The following CDH12 variants were observed in gnomAD, a reference collection of about 807,000 sequenced individuals.
CDH12 encodes cadherin-12.
A neutral mutation model predicts 74.1 loss-of-function variants in CDH12; 41 were observed. The observed-to-expected ratio is 0.55, with a 90% CI of 0.43 to 0.72. CDH12 has a LOEUF of 0.72. CDH12 is among the 30% of genes least tolerant of loss of function. The pLI is 0.00. For missense variants in CDH12, 945 were observed against 977.2 expected, an observed-to-expected ratio of 0.97 and a Z score of 0.44; for synonymous variants, 399 against 355.0, an observed-to-expected ratio of 1.12 and a Z score of -1.39.
At chr5:22,734,799 G>T (rs1214515600) in intron 1 of CDH12, among the ~76,000 whole-genome samples, 1 of 151,784 alleles carries the variant, frequency 6.6e-6, no homozygotes, top group Non-Finnish European at 1.5e-5. Flanking sequence ...TTGTAAACCT[G>T]TTTCCTAAAA....
chr5:21,906,187 GA>G (rs1284571356), intron 6 of CDH12, among the ~76,000 whole-genome samples: 1 of 152,070 alleles, frequency 6.6e-6, no homozygotes, highest in East Asian at 1.9e-4. Context: ...TTAGTTTCTT[GA>G]AATAGGATAT....
chr5:22,647,772 T>C (rs1179557589), intron 1 of CDH12, among the ~76,000 whole-genome samples: 3 of 151,866 alleles, frequency 2.0e-5, no homozygotes, highest in Non-Finnish European at 4.4e-5. Context: ...ATTGCAGATA[T>C]TAGTTTTTAC....
intron 1 of CDH12, among the ~76,000 whole-genome samples, chr5:22,804,129 G>GT (rs975577133): frequency 6.6e-5 from 10 of 151,448 alleles, no homozygotes; most frequent in African/African-American, 9.7e-5. Flanking sequence ...GACATTTCAA[G>GT]TTTTTTTTTA....
intron 3 of CDH12, among the ~76,000 whole-genome samples, chr5:22,275,416 AT>A (rs1338966156): frequency 6.6e-6 from 1 of 152,134 alleles, no homozygotes; most frequent in Admixed American, 6.6e-5. Context: ...CTCACATTTA[AT>A]TTTTTAGTGA....
At chr5:22,356,058 G>C (rs944459977) in intron 3 of CDH12, among the ~76,000 whole-genome samples, 1 of 152,132 alleles carries the variant, frequency 6.6e-6, no homozygotes, top group Non-Finnish European at 1.5e-5. Context: ...GAAGCAGTTA[G>C]AGCAGTCAGA....
chr5:21,860,149 G>A (rs1358715863), intron 6 of CDH12, among the ~76,000 whole-genome samples: 2 of 152,040 alleles, frequency 1.3e-5, no homozygotes, highest in African/African-American at 2.4e-5. Context: ...TAATTGTCAT[G>A]AATACTTTTT....
Position 22,660,918 on chromosome 5 carries a change from T to C in CDH12, c.-522-155554A>G, listed in dbSNP as rs184398152. 2.0e-4 allele frequency among the ~76,000 whole-genome samples: 30 copies of C among 152,324 alleles called. No individual in the cohort carries two copies. In the East Asian group the frequency reaches 5.4e-3, roughly 27 times the overall value. The stretch of plus-strand genomic sequence containing the variant: ...TAACATTCATTGATTAAAAACACTT[T>C]GCTTTTTCAGGGTGAGAACAAACCC... On this transcript the variant is annotated intron_variant, in intron 1 of 14. Transcript: ENST00000382254.
intron 6 of CDH12, among the ~76,000 whole-genome samples, chr5:21,940,865 C>A (rs1174859187): frequency 2.0e-5 from 3 of 152,136 alleles, no homozygotes; most frequent in Non-Finnish European, 4.4e-5. Context: ...CTCTCACACA[C>A]ACACACACAG....
intron 4 of CDH12, among the ~76,000 whole-genome samples, chr5:22,088,396 A>G (rs1743201523): frequency 2.0e-5 from 3 of 152,090 alleles, no homozygotes; most frequent in African/African-American, 4.8e-5. Flanking sequence ...CAAGTCAAGC[A>G]TACTGGGACC....
intron 2 of CDH12, among the ~76,000 whole-genome samples, chr5:22,458,181 C>T (rs962812290): frequency 6.6e-6 from 1 of 152,156 alleles, no homozygotes; most frequent in African/African-American, 2.4e-5. Flanking sequence ...CGCCGGGGCT[C>T]CTTGACTCTT....
intron 1 of CDH12, among the ~76,000 whole-genome samples, chr5:22,697,464 C>T (rs1218966489): frequency 2.7e-5 from 4 of 148,232 alleles, no homozygotes; most frequent in South Asian, 2.1e-4. Context: ...CCCAGCTACT[C>T]GGGAGGCTGA....
chr5:21,862,268 G>A (rs547743342), intron 6 of CDH12, among the ~76,000 whole-genome samples: 24 of 152,158 alleles, frequency 1.6e-4, no homozygotes, highest in African/African-American at 5.8e-4. Flanking sequence ...GCTATTTTAT[G>A]TATCATGTAA....
At chr5:22,663,452 T>C (rs1417389580) in intron 1 of CDH12, among the ~76,000 whole-genome samples, 1 of 152,180 alleles carries the variant, frequency 6.6e-6, no homozygotes, top group African/African-American at 2.4e-5. Context: ...ATTTTTGCAG[T>C]TTACTTTCAT....
At chr5:22,440,302 T>A (rs920293301) in intron 2 of CDH12, among the ~76,000 whole-genome samples, 4 of 152,086 alleles carry the variant, frequency 2.6e-5, no homozygotes, top group African/African-American at 9.7e-5. Flanking sequence ...AATGAGAAAC[T>A]CGAAGCATAA....
In CDH12 at chr5:21,986,836, T is replaced by A. The variant is rs191049117; in HGVS notation, c.232-11451A>T. ...ATTTCATTATTTCCAATATTAGCTC[T>A]TATCGAATATTATATACTATGTTAA... On this transcript the variant is annotated intron_variant, in intron 5 of 14. Transcript: ENST00000382254. Among the ~76,000 whole-genome samples, 485 of 152,244 alleles carry A rather than the reference T, an allele frequency of 3.2e-3. 3 individuals are homozygous for A. The highest frequency in any genetic ancestry group is 0.011 in the African/African-American group (465 of 41,572).
intron 2 of CDH12, among the ~76,000 whole-genome samples, chr5:22,470,738 T>C (rs1467627765): frequency 6.6e-6 from 1 of 152,122 alleles, no homozygotes; most frequent in Non-Finnish European, 1.5e-5. Flanking sequence ...TTTTATAAGG[T>C]AGATGATAGT....
At chr5:22,476,764 T>A (rs1390558607) in intron 2 of CDH12, among the ~76,000 whole-genome samples, 2 of 152,314 alleles carry the variant, frequency 1.3e-5, no homozygotes, top group East Asian at 1.9e-4. Flanking sequence ...ATACAGTATT[T>A]ATATAATATT....
chr5:22,358,029 A>G lies in CDH12; in HGVS notation c.-333+47228T>C, dbSNP rs192308947. On this transcript the variant is annotated intron_variant, in intron 3 of 14. Coordinates refer to ENST00000382254, the MANE Select transcript of CDH12 (RefSeq NM_004061.5). ...TAACTCCAGCACATCCTCTCCTGCT[A>G]AAGTGCATTGAAAGTCCTAAACAAC... Among the ~76,000 whole-genome samples, 12 of 152,322 alleles carry G rather than the reference A, an allele frequency of 7.9e-5. No individual in the cohort carries two copies. The East Asian group carries it at 2.3e-3, about 29-fold the overall frequency.
At chr5:22,674,071 A>G (rs1310131860) in intron 1 of CDH12, among the ~76,000 whole-genome samples, 1 of 152,224 alleles carries the variant, frequency 6.6e-6, no homozygotes, top group African/African-American at 2.4e-5. Context: ...CAGAACTGTT[A>G]TAAGGGCCAG....
Sources: allele counts gnomAD v4.1 joint callset (sites outside exome capture counted in the v4.1 genomes callset), GRCh38; gene constraint gnomAD v4.1.1; transcripts MANE v1.5; gene names NCBI Gene and HGNC (gene_info 2026-07-23, HGNC 2026-07-21).